Variants in WDR33 observed in about 807,000 individuals in gnomAD.
WDR33 encodes the protein pre-mRNA 3' end processing protein WDR33.
A neutral mutation model predicts 164.9 loss-of-function variants in WDR33; 47 were observed. That is an observed-to-expected ratio of 0.29 (90% CI 0.23 to 0.36). WDR33 has a LOEUF of 0.36. Ranked by LOEUF, WDR33 falls within the 10% of genes least tolerant of loss-of-function variation. The pLI, the probability that WDR33 is intolerant of heterozygous loss-of-function variation, is 1.00. For missense variants in WDR33, 1,137 were observed against 1,754.1 expected, an observed-to-expected ratio of 0.65 and a Z score of 6.28; for synonymous variants, 505 against 589.0, an observed-to-expected ratio of 0.86 and a Z score of 2.06.
In WDR33 at chr2:127,701,558, G is replaced by A. The variant is rs770446976; in HGVS notation, c.*4765C>T. On this transcript the variant is annotated 3_prime_UTR_variant, in exon 22 of 22. Transcript: ENST00000322313. ...CGGACCTCCACCGCCAGCTGCAGGA[G>A]TACCTGGCGCAGGGGAAAGCTGGCG... is the stretch of plus-strand genomic sequence containing the variant. 1,496 of 1,368,492 alleles carry A rather than the reference G, an allele frequency of 1.1e-3. 2 individuals carry two copies. The highest frequency in any genetic ancestry group is 1.3e-3 in the Non-Finnish European group (1,384 of 1,059,796). 84.8% of individuals were successfully genotyped at this position (1,368,492 alleles called of 1,614,324 possible).
At position 127,786,841 on chromosome 2, in the gene WDR33, GTTCTTT is replaced by G. The variant is rs1219928003; in HGVS notation, c.-23-15843_-23-15838del. Reference sequence around the variant, plus strand: ...GGTACAATTTTATTTCTTCCTTTCTGTTCTTTTTTTTTTTTTTTTTTTAATTTATTT... The same window carrying G: ...GGTACAATTTTATTTCTTCCTTTCTGTTTTTTTTTTTTTTTTAATTTATTT... On this transcript the variant is annotated intron_variant, in intron 1 of 21. Transcript: ENST00000322313. Among the ~76,000 whole-genome samples the G allele has an allele frequency of 1.4e-3, 123 of 90,082 alleles. 1 individual carries two copies. The highest frequency in any genetic ancestry group is 5.0e-3 in the African/African-American group (116 of 23,144). The allele number at this position is 90,082 out of a possible 152,430, so 59.1% of individuals were successfully genotyped here. A position where few individuals can be genotyped will look rare whatever the true frequency, so the allele number is the denominator to read the frequency against.
chr2:127,701,616 GA>G lies in WDR33; in HGVS notation c.*4706del. 1 of 1,342,870 alleles carries G rather than the reference GA, an allele frequency of 7.4e-7. No homozygotes were observed. The highest frequency in any genetic ancestry group is 9.5e-7 in the Non-Finnish European group (1 of 1,048,914). The allele number at this position is 1,342,870 out of a possible 1,614,324, so 83.2% of individuals were successfully genotyped here. A position where few individuals can be genotyped will look rare whatever the true frequency, so the allele number is the denominator to read the frequency against. ...GGCCGCGGAGCCGCTGCTCGCCGCG[GA>G]GAAGGCGGAGGAGCCCGGGGACCGG... On this transcript the variant is annotated 3_prime_UTR_variant, in exon 22 of 22. Transcript: ENST00000322313.
In WDR33 at chr2:127,701,881, T is replaced by A; in HGVS notation, c.*4442A>T. 1 of 1,457,322 alleles carries A rather than the reference T, an allele frequency of 6.9e-7. No individual in the cohort carries two copies. The highest frequency in any genetic ancestry group is 9.0e-7 in the Non-Finnish European group (1 of 1,110,610). 90.3% of individuals were successfully genotyped at this position (1,457,322 alleles called of 1,614,324 possible). On this transcript the variant is annotated 3_prime_UTR_variant, in exon 22 of 22. Transcript: ENST00000322313. ...CTGCTCTGGTCACTGGGCTCGGCGC[T>A]GGCGTTGGCGGGAAGCGCGCTGCTG...
Position 127,708,911 on chromosome 2 carries a change from C to T in WDR33, c.3566-19G>A. 1 of 1,539,012 alleles carries T rather than the reference C, an allele frequency of 6.5e-7. No homozygotes were observed. The highest frequency in any genetic ancestry group is 1.9e-5 in the Admixed American group (1 of 52,346). On this transcript the variant is annotated intron_variant, in intron 20 of 21. Transcript: ENST00000322313. The surrounding 1 kb of genome is among the most constrained non-coding windows in gnomAD (Gnocchi z 6.7). ...CCTGGCCCTGAAACAAGAAACAAATCTCCTTACAGGAAAGCACAGTGTGAC... is the reference window on the plus strand; with the variant it reads ...CCTGGCCCTGAAACAAGAAACAAATTTCCTTACAGGAAAGCACAGTGTGAC...
At chr2:127,737,410 C>A in intron 7 of WDR33, 1 of 985,430 alleles carries the variant, frequency 1.0e-6, no homozygotes, top group Non-Finnish European at 1.2e-6. Flanking sequence ...GTCACAGGTT[C>A]TCTAGTAAAC....
chr2:127,713,931 C>G lies in WDR33; in HGVS notation c.2960G>C (p.Arg987Thr). 2 of 1,605,180 alleles carry G rather than the reference C, an allele frequency of 1.2e-6. No homozygotes were observed. The highest frequency in any genetic ancestry group is 1.7e-6 in the Non-Finnish European group (2 of 1,175,348). The change falls in exon 18 of 22, where the codon AGG becomes ACG. Residue 987 changes from arginine (R) to threonine (T), a missense_variant. Physicochemically the swap from Arg to Thr is moderately conservative, Grantham distance 71. Transcript: ENST00000322313. This position sits in a 1 kb window ranked among gnomAD's most constrained non-coding sequence, Gnocchi z 6.2. ...QSGGPEHGPE[R>T]GPFRGGQDCR... ...GTCCTGGCCACCCCGGAAAGGCCCC[C>G]TCTCGGGCCCATGCTCAGGCCCGCC...
At position 127,723,178 on chromosome 2, in the gene WDR33, TA is replaced by T; in HGVS notation, c.1291+74del. On this transcript the variant is annotated intron_variant, in intron 12 of 21. Transcript: ENST00000322313. The surrounding 1 kb of genome is among the most constrained non-coding windows in gnomAD (Gnocchi z 5.9). ...CTATAAAATTAAAATTCATTTTGTATAATCTTCCCAACATCTAACACTTCTG... is the reference window on the plus strand; with the variant it reads ...CTATAAAATTAAAATTCATTTTGTATATCTTCCCAACATCTAACACTTCTG... The T allele has an allele frequency of 6.8e-7, 1 of 1,472,006 alleles. No individual in the cohort carries two copies. The highest frequency in any genetic ancestry group is 9.3e-7 in the Non-Finnish European group (1 of 1,076,910). 91.2% of individuals were successfully genotyped at this position (1,472,006 alleles called of 1,614,324 possible).
intron 8 of WDR33, among the ~76,000 whole-genome samples, chr2:127,725,870 T>C (rs1305828400): frequency 6.6e-6 from 1 of 152,094 alleles, no homozygotes; most frequent in Non-Finnish European, 1.5e-5. Context: ...ATAAAGCTCA[T>C]TACATTTTGA....
At chr2:127,749,759 A>C (rs1351372744) in intron 7 of WDR33, among the ~76,000 whole-genome samples, 1 of 151,632 alleles carries the variant, frequency 6.6e-6, no homozygotes, top group Non-Finnish European at 1.5e-5. Context: ...TACAATTATC[A>C]CAGTCCTCAG....
chr2:127,781,336 G>A (rs1688361463), intron 1 of WDR33, among the ~76,000 whole-genome samples: 1 of 152,172 alleles, frequency 6.6e-6, no homozygotes, highest in Non-Finnish European at 1.5e-5. Context: ...GTGGATGGGT[G>A]TGGTTATAAA....
chr2:127,795,935 C>G (rs564043887), intron 1 of WDR33, among the ~76,000 whole-genome samples: 1 of 151,600 alleles, frequency 6.6e-6, no homozygotes, highest in African/African-American at 2.4e-5. Flanking sequence ...ATAAAAGCAA[C>G]CTTGATGGAA....
At chr2:127,796,697 A>G (rs1010751458) in intron 1 of WDR33, among the ~76,000 whole-genome samples, 33 of 151,728 alleles carry the variant, frequency 2.2e-4, no homozygotes, top group African/African-American at 7.8e-4. Context: ...TTATTCCCAC[A>G]TTTTATGTAC....
Position 127,716,220 on chromosome 2 carries a change from T to C in WDR33, c.2869+935A>G. ...TCACACATAAATTCAAGACTGAGCATAAATTCACAAAGTCCTAGGGCTGTA... is the reference window on the plus strand; with the variant it reads ...TCACACATAAATTCAAGACTGAGCACAAATTCACAAAGTCCTAGGGCTGTA... On this transcript the variant is annotated intron_variant, in intron 17 of 21. Coordinates refer to ENST00000322313, the MANE Select transcript of WDR33 (RefSeq NM_018383.5). The surrounding 1 kb of genome is among the most constrained non-coding windows in gnomAD (Gnocchi z 4.5). Among the ~76,000 whole-genome samples the C allele has an allele frequency of 6.6e-6, 1 of 152,324 alleles. No individual in the cohort carries two copies. Among genetic ancestry groups the C allele is most frequent in the Middle Eastern group, 3.4e-3 (1 of 294 alleles).
Position 127,768,983 on chromosome 2 carries a change from C to A in WDR33, c.223G>T (p.Asp75Tyr), listed in dbSNP as rs1489273335. ...TGAATTGCCCGCATATCTCTCTGGT[C>A]TCTTTGCCATATTCTGTTCTGTTAA... ...KYLENRIWQR[D>Y]QRDMRAIQPD... The change falls in exon 3 of 22, where the codon GAC becomes TAC. Residue 75 changes from aspartate to tyrosine, a missense_variant. Physicochemically the swap from Asp to Tyr is radical, Grantham distance 160. Transcript: ENST00000322313. 1.3e-6 allele frequency: 2 copies of A among 1,576,500 alleles called. No homozygotes were observed. Among genetic ancestry groups the A allele is most frequent in the Admixed American group, 1.8e-5 (1 of 56,040 alleles).
At chr2:127,752,239 T>A (rs982305071) in intron 7 of WDR33, among the ~76,000 whole-genome samples, 1 of 152,188 alleles carries the variant, frequency 6.6e-6, no homozygotes, top group African/African-American at 2.4e-5. Context: ...TTAAGGTTGG[T>A]CAGCAGGATA....
In WDR33 at chr2:127,796,321, G is replaced by T. The variant is rs1277441700; in HGVS notation, c.-24+14691C>A. Among the ~76,000 whole-genome samples the T allele has an allele frequency of 2.0e-5, 3 of 151,810 alleles. No individual in the cohort carries two copies. The East Asian group carries it at 5.8e-4, about 29-fold the overall frequency. ...ACTCCTGGCCTCAAGGGATCTGCCC[G>T]ACTCAGCCTCCCAAAGTACTGGGAT... is the stretch of plus-strand genomic sequence containing the variant. On this transcript the variant is annotated intron_variant, in intron 1 of 21. Transcript: ENST00000322313.
intron 1 of WDR33, among the ~76,000 whole-genome samples, chr2:127,803,303 G>C (rs922919872): frequency 6.6e-6 from 1 of 152,134 alleles, no homozygotes; most frequent in Non-Finnish European, 1.5e-5. Context: ...ATGTAGGCCA[G>C]GCACAGTGGC....
chr2:127,736,891 G>C (rs1686861762), intron 7 of WDR33: 1 of 985,230 alleles, frequency 1.0e-6, no homozygotes. Context: ...ATTTCCATTT[G>C]AGTCAAATTT....
chr2:127,791,169 C>CT (rs1688833395), intron 1 of WDR33, among the ~76,000 whole-genome samples: 1 of 105,870 alleles, frequency 9.4e-6, no homozygotes, highest in South Asian at 4.2e-4. Context: ...ACCCCACCCC[C>CT]CCCCCCAGCA....
Sources: allele counts gnomAD v4.1 joint callset (sites outside exome capture counted in the v4.1 genomes callset), GRCh38; gene constraint gnomAD v4.1.1; non-coding constraint Gnocchi (gnomAD v3.1); transcripts MANE v1.5; gene names NCBI Gene and HGNC (gene_info 2026-07-23, HGNC 2026-07-21).